ZNF514: variants seen among roughly 807,000 people sequenced by gnomAD.
The protein encoded by ZNF514 is zinc finger protein 514.
Under a neutral mutation model 9.7 loss-of-function variants are expected in ZNF514, and 12 were observed. The ratio of observed to expected loss-of-function variants is 1.24; its 90% confidence interval spans 0.79 to 2.01. The LOEUF is 2.01. Among genes scored for constraint, ZNF514 ranks in the 30% most tolerant of loss-of-function variants. ZNF514 has a pLI of 0.00. For synonymous variants in ZNF514, 158 were observed against 163.7 expected (o/e 0.97, Z 0.27); for missense variants, 467 against 465.5 (o/e 1.00, Z -0.03).
In ZNF514 at chr2:95,153,142, C is replaced by A; in HGVS notation, c.112G>T (p.Ala38Ser). 1 of 1,612,260 alleles carries A rather than the reference C, an allele frequency of 6.2e-7. No individual in the cohort carries two copies. Among genetic ancestry groups the A allele is most frequent in the African/African-American group, 1.3e-5 (1 of 75,020 alleles). The change falls in exon 3 of 5, where the codon GCC (alanine) becomes TCC (serine). Residue 38 changes from alanine (A) to serine (S), a missense_variant. Physicochemically the swap from Ala to Ser is moderately conservative, Grantham distance 99. Coordinates refer to ENST00000295208, the MANE Select transcript of ZNF514 (RefSeq NM_032788.3). The part of the protein sequence containing the change: ...EVMLENFRNL[A>S]ILGLLVSKPY... Reference sequence around the variant, plus strand: ...GAGGGCTTGTGCTCACCCAGAATGGCCAAGTTCCTGAAGTTCTCCAGCATC... The same window carrying A: ...GAGGGCTTGTGCTCACCCAGAATGGACAAGTTCCTGAAGTTCTCCAGCATC...
At chr2:95,132,424 T>G in the ZNF514 span, among the ~76,000 whole-genome samples, 1 of 152,094 alleles carries the variant, frequency 6.6e-6, no homozygotes, top group Non-Finnish European at 1.5e-5. Context: ...CAATGATATA[T>G]CCCTACACAC....
At position 95,149,340 on chromosome 2, in the gene ZNF514, G is replaced by A. The variant is rs1182092441; in HGVS notation, c.1145C>T (p.Ala382Val). 4.3e-6 allele frequency: 7 copies of A among 1,611,702 alleles called. No individual in the cohort carries two copies. The highest frequency in any genetic ancestry group is 4.2e-6 in the Non-Finnish European group (5 of 1,178,318). ...YKCNECGRAF[A>V]HTASLIKHQR... ...ATGTTTAATAAGGGATGCAGTATGA[G>A]CAAAGGCCCTTCCACACTCATTACA... is the stretch of plus-strand genomic sequence containing the variant. The change falls in exon 5 of 5, where the codon GCT (alanine) becomes GTT (valine). Residue 382 changes from alanine to valine, a missense_variant. Transcript: ENST00000295208.
At position 95,159,375 on chromosome 2, in the gene ZNF514, T is replaced by G; in HGVS notation, c.-231A>C. 6.1e-6 allele frequency: 1 copy of G among 162,860 alleles called. No individual in the cohort carries two copies. Among genetic ancestry groups the G allele is most frequent in the Non-Finnish European group, 1.3e-5 (1 of 74,858 alleles). The allele number at this position is 162,860 out of a possible 1,614,324, so 10.1% of individuals were successfully genotyped here. A position where few individuals can be genotyped will look rare whatever the true frequency, so the allele number is the denominator to read the frequency against. Reference sequence around the variant, plus strand: ...ACGCGAGGGCCCAGCGCTCTTCAGCTGCCCGGAAACAGCAGGGATTCGGTG... The same window carrying G: ...ACGCGAGGGCCCAGCGCTCTTCAGCGGCCCGGAAACAGCAGGGATTCGGTG... On this transcript the variant is annotated 5_prime_UTR_variant, in exon 1 of 5. Coordinates refer to ENST00000295208, the MANE Select transcript of ZNF514 (RefSeq NM_032788.3).
At chr2:95,141,856 A>C (rs1019167192), downstream of ZNF514, among the ~76,000 whole-genome samples, 1 of 152,216 alleles carries the variant, frequency 6.6e-6, no homozygotes, top group African/African-American at 2.4e-5. Context: ...ACAAACTAGG[A>C]TTCTCCAGGG....
the ZNF514 span, among the ~76,000 whole-genome samples, chr2:95,128,520 C>T: frequency 6.6e-6 from 1 of 151,944 alleles, no homozygotes; most frequent in Non-Finnish European, 1.5e-5. Flanking sequence ...CGAACCACTG[C>T]ACTCCAGCCT....
the ZNF514 span, among the ~76,000 whole-genome samples, chr2:95,132,161 A>C: frequency 6.6e-6 from 1 of 151,160 alleles, no homozygotes; most frequent in Admixed American, 6.6e-5. Flanking sequence ...AAAAAAAAAA[A>C]AAAAAAAAAC....
intron 2 of ZNF514, chr2:95,153,720 CTAAGTT>C: frequency 6.5e-6 from 1 of 153,456 alleles, no homozygotes; most frequent in African/African-American, 2.4e-5. Flanking sequence ...TATTCAGTTC[CTAAGTT>C]TATAAAGCTG....
chr2:95,150,963 C>T (rs1349292895), intron 4 of ZNF514, among the ~76,000 whole-genome samples: 1 of 152,182 alleles, frequency 6.6e-6, no homozygotes, highest in Non-Finnish European at 1.5e-5. Context: ...CTTTGCGTAC[C>T]TTTCAGGGAC....
At chr2:95,150,349 G>C in intron 4 of ZNF514, 82 bp from the exon 5 acceptor site, 1 of 1,396,994 alleles carries the variant, frequency 7.2e-7, no homozygotes, top group Admixed American at 2.5e-5. Flanking sequence ...CTCCTATAAT[G>C]AATGTGAAAT....
the ZNF514 span, among the ~76,000 whole-genome samples, chr2:95,125,538 C>T: frequency 6.6e-6 from 1 of 152,114 alleles, no homozygotes; most frequent in Non-Finnish European, 1.5e-5. Context: ...ACACCTGGAC[C>T]ATCTTAATCA....
rs1301105344 is a variant in ZNF514 at position 95,147,987 on chromosome 2, A to G, written c.*1295T>C. 6.6e-6 allele frequency: 1 copy of G among 152,230 alleles called. No individual in the cohort carries two copies. The highest frequency in any genetic ancestry group is 2.4e-5 in the African/African-American group (1 of 41,454). The allele number at this position is 152,230 out of a possible 1,614,324, so 9.4% of individuals were successfully genotyped here. ...AACAAGGTTTCATTTCATTTCAAAA[A>G]TTCCAAATCTATTAGCATAAAGATG... On this transcript the variant is annotated 3_prime_UTR_variant, in exon 5 of 5. Transcript: ENST00000295208.
At chr2:95,130,545 C>T in the ZNF514 span, among the ~76,000 whole-genome samples, 1 of 152,126 alleles carries the variant, frequency 6.6e-6, no homozygotes, top group African/African-American at 2.4e-5. Flanking sequence ...CCGGGGGGGC[C>T]GGTTCAGAGA....
chr2:95,148,961 C>T lies in ZNF514; in HGVS notation c.*321G>A. ...TCAGTATGTAACTGAAGGCTTGCCA[C>T]ACTCACTGCATTGATAAGGCTCCTC... On this transcript the variant is annotated 3_prime_UTR_variant, in exon 5 of 5. Transcript: ENST00000295208. 1 of 279,014 alleles carries T rather than the reference C, an allele frequency of 3.6e-6. No homozygotes were observed. Among genetic ancestry groups the T allele is most frequent in the Non-Finnish European group, 6.7e-6 (1 of 149,302 alleles). The allele number at this position is 279,014 out of a possible 1,614,324, so 17.3% of individuals were successfully genotyped here.
downstream of ZNF514, among the ~76,000 whole-genome samples, chr2:95,141,560 C>G (rs1340753556): frequency 6.6e-6 from 1 of 152,144 alleles, no homozygotes; most frequent in Non-Finnish European, 1.5e-5. Context: ...GTACTGTCAC[C>G]AACAGTCTTA....
chr2:95,123,658 A>G, the ZNF514 span, among the ~76,000 whole-genome samples: 15 of 152,200 alleles, frequency 9.9e-5, no homozygotes, highest in Non-Finnish European at 1.8e-4. Context: ...TGTAGCTTGC[A>G]TGTTCAGGTC....
At chr2:95,124,279 A>T in the ZNF514 span, among the ~76,000 whole-genome samples, 1 of 152,182 alleles carries the variant, frequency 6.6e-6, no homozygotes, top group Non-Finnish European at 1.5e-5. Flanking sequence ...TCATTTTAAG[A>T]ACATTATATA....
chr2:95,130,219 A>T, the ZNF514 span, among the ~76,000 whole-genome samples: 1 of 152,144 alleles, frequency 6.6e-6, no homozygotes, highest in African/African-American at 2.4e-5. Context: ...TCAAAAGGGG[A>T]GGGAGTGTGC....
At chr2:95,157,586 G>A in intron 1 of ZNF514, 147 bp from the exon 2 acceptor site, 2 of 394,298 alleles carry the variant, frequency 5.1e-6, no homozygotes, top group South Asian at 2.0e-5. Flanking sequence ...CTGAGAGGCA[G>A]CTTCTAGCCT....
chr2:95,159,132 C>A, intron 1 of ZNF514, 108 bp downstream of exon 1: 1 of 821,588 alleles, frequency 1.2e-6, no homozygotes. Flanking sequence ...CGCGGCGGGG[C>A]CAGCGGACCT....
Sources: allele counts gnomAD v4.1 joint callset (sites outside exome capture counted in the v4.1 genomes callset), GRCh38; gene constraint gnomAD v4.1.1; transcripts MANE v1.5; gene names NCBI Gene and HGNC (gene_info 2026-07-23, HGNC 2026-07-21).